The following RBM25 variants were observed in gnomAD, a reference collection of about 807,000 sequenced individuals.
RBM25 encodes RNA-binding protein 25.
Under a neutral mutation model 120.7 loss-of-function variants are expected in RBM25, and 19 were observed. The ratio of observed to expected loss-of-function variants is 0.16; its 90% CI spans 0.11 to 0.23. The LOEUF is 0.23. Among genes scored for constraint, RBM25 ranks in the 10% least tolerant of loss-of-function variants. The pLI, the probability that RBM25 is intolerant of heterozygous loss-of-function variation, is 1.00. For synonymous variants in RBM25, 390 were observed against 326.7 expected, an observed-to-expected ratio of 1.19 and a Z score of -2.09; for missense variants, 605 against 1,041.5, an observed-to-expected ratio of 0.58 and a Z score of 5.77.
chr14:73,066,336 A>G (rs1357824386), intron 1 of RBM25, among the ~76,000 whole-genome samples: 1 of 152,132 alleles, frequency 6.6e-6, no homozygotes, highest in Admixed American at 6.6e-5. Context: ...TTTGCCAAGT[A>G]TATTAAATCC....
At chr14:73,062,696 T>C (rs1245122141) in intron 1 of RBM25, among the ~76,000 whole-genome samples, 2 of 151,486 alleles carry the variant, frequency 1.3e-5, no homozygotes, top group Non-Finnish European at 3.0e-5. Flanking sequence ...TTGGACCAGA[T>C]TTCTTGAGAT....
intron 4 of RBM25, 60 bp downstream of exon 4, chr14:73,077,596 A>C: frequency 7.1e-7 from 1 of 1,405,176 alleles, no homozygotes; most frequent in Non-Finnish European, 9.5e-7. Flanking sequence ...TTTCAAACTT[A>C]AGCAGAAAGA....
intron 18 of RBM25, 74 bp from the exon 19 acceptor site, chr14:73,119,639 A>G (rs1896505710): frequency 6.3e-6 from 10 of 1,587,480 alleles, no homozygotes; most frequent in Non-Finnish European, 8.5e-6. Flanking sequence ...AAACTTTTTT[A>G]TACTGGCCAC....
chr14:73,117,041 G>A lies in RBM25; in HGVS notation c.2440-2672G>A, dbSNP rs74062643. 8.0e-3 allele frequency among the ~76,000 whole-genome samples: 1,219 copies of A among 151,956 alleles called. 20 individuals carry two copies. Among genetic ancestry groups the A allele is most frequent in the African/African-American group, 0.028 (1,166 of 41,462 alleles). ...TAAATGAAGTTTGGTTGCATTTTGT[G>A]CCTACATCTCTCTGAAGTGTGACTC... On this transcript the variant is annotated intron_variant, in intron 18 of 18. Transcript: ENST00000261973.
At chr14:73,109,670 G>A (rs933944024) in intron 14 of RBM25, among the ~76,000 whole-genome samples, 178 bp downstream of exon 14, 28 of 152,168 alleles carry the variant, frequency 1.8e-4, no homozygotes, top group Non-Finnish European at 4.0e-4. Context: ...GTGGGCGCCT[G>A]TAGTCCCAGC....
chr14:73,077,269 G>C, intron 3 of RBM25, 100 bp from the exon 4 acceptor site: 2 of 1,028,910 alleles, frequency 1.9e-6, no homozygotes, highest in Non-Finnish European at 2.8e-6. Flanking sequence ...TAAATAATGT[G>C]CTATATATAT....
intron 6 of RBM25, among the ~76,000 whole-genome samples, chr14:73,088,939 G>A (rs751624858): frequency 6.6e-6 from 1 of 152,110 alleles, no homozygotes; most frequent in Admixed American, 6.6e-5. Context: ...TCAGGAGTTC[G>A]AGACCAGCCT....
intron 15 of RBM25, 123 bp from the exon 16 acceptor site, chr14:73,111,405 C>A: frequency 8.7e-7 from 1 of 1,150,542 alleles, no homozygotes; most frequent in Non-Finnish European, 1.2e-6. Flanking sequence ...TTATTTTTTA[C>A]AGTTGGGATC....
At chr14:73,093,612 T>G (rs952026489) in intron 6 of RBM25, among the ~76,000 whole-genome samples, 5 of 152,072 alleles carry the variant, frequency 3.3e-5, no homozygotes, top group Non-Finnish European at 7.4e-5. Flanking sequence ...GTTCAAGCGA[T>G]TCTCCTGCCT....
intron 10 of RBM25, among the ~76,000 whole-genome samples, chr14:73,103,905 G>GTCTCTCTCTC (rs72346306): frequency 7.0e-4 from 64 of 91,724 alleles, no homozygotes; most frequent in Non-Finnish European, 1.2e-3. Flanking sequence ...CTGTCTGTCT[G>GTCTCTCTCTC]TCTCTCTCTC....
At chr14:73,086,127 G>A (rs535816014) in intron 5 of RBM25, among the ~76,000 whole-genome samples, 6 of 151,952 alleles carry the variant, frequency 3.9e-5, no homozygotes, top group East Asian at 1.9e-4. Context: ...TGAAGATCAC[G>A]ATCTGGACAC....
Position 73,107,864 on chromosome 14 carries a change from C to T in RBM25, c.1506C>T (p.Asp502=). ...EAKRLKEFLE[D]YDDDRDDPKY... is the part of the protein sequence containing the mutation. ...AACGACTAAAAGAATTCTTAGAAGA[C>T]TATGATGATGATAGAGATGACCCCA... The change falls in exon 13 of 19, where the codon GAC becomes GAT. Residue 502 remains aspartate (D), a synonymous_variant. Transcript: ENST00000261973. 6.2e-7 allele frequency: 1 copy of T among 1,603,032 alleles called. No individual in the cohort carries two copies. The highest frequency in any genetic ancestry group is 2.2e-5 in the East Asian group (1 of 44,510).
intron 9 of RBM25, chr14:73,100,052 CA>C (rs1438668521): frequency 1.7e-5 from 8 of 462,918 alleles, no homozygotes; most frequent in Non-Finnish European, 2.3e-5. Context: ...AAATTAGATT[CA>C]GGGGGCAGCA....
intron 5 of RBM25, among the ~76,000 whole-genome samples, chr14:73,087,529 G>A (rs934395689): frequency 1.4e-4 from 22 of 152,016 alleles, no homozygotes; most frequent in Non-Finnish European, 2.9e-4. Context: ...CCAAGTAGCT[G>A]GGACTACAGG....
intron 10 of RBM25, 122 bp from the exon 11 acceptor site, chr14:73,105,737 A>G: frequency 7.0e-7 from 1 of 1,429,518 alleles, no homozygotes; most frequent in Non-Finnish European, 9.4e-7. Flanking sequence ...TATGGAAATC[A>G]AGTGCTAGAT....
chr14:73,119,891 T>C lies in RBM25; in HGVS notation c.*86T>C. The C allele has an allele frequency of 4.0e-6, 6 of 1,508,184 alleles. No homozygotes were observed. The highest frequency in any genetic ancestry group is 5.3e-6 in the Non-Finnish European group (6 of 1,139,330). The allele number at this position is 1,508,184 out of a possible 1,614,324, so 93.4% of individuals were successfully genotyped here. A position where few individuals can be genotyped will look rare whatever the true frequency, so the allele number is the denominator to read the frequency against. On this transcript the variant is annotated 3_prime_UTR_variant, in exon 19 of 19. Coordinates refer to ENST00000261973, the MANE Select transcript of RBM25 (RefSeq NM_021239.3). ...GAATTTTTCTTTGTCTTTGAAGACA[T>C]TGTGAGATCTGTAATTTTTTTTTTT...
chr14:73,079,494 C>T lies in RBM25; in HGVS notation c.324+1958C>T, dbSNP rs555641145. Among the ~76,000 whole-genome samples, 281 of 150,594 alleles carry T rather than the reference C, an allele frequency of 1.9e-3. 20 individuals are homozygous for T. The highest frequency in any genetic ancestry group is 2.9e-3 in the Non-Finnish European group (192 of 67,084). The stretch of plus-strand genomic sequence containing the variant: ...GAGGATCTGCAAAGATGTCATTCTT[C>T]GTCTGTATCCCAGAATCTTGTGTAG... On this transcript the variant is annotated intron_variant, in intron 4 of 18. Coordinates refer to ENST00000261973, the MANE Select transcript of RBM25 (RefSeq NM_021239.3).
chr14:73,086,989 G>A (rs1287902247), intron 5 of RBM25, among the ~76,000 whole-genome samples: 2 of 152,348 alleles, frequency 1.3e-5, no homozygotes, highest in South Asian at 2.1e-4. Flanking sequence ...ACAGGCATGA[G>A]CCACTGCGCC....
At chr14:73,091,091 G>A (rs1895803876) in intron 6 of RBM25, among the ~76,000 whole-genome samples, 1 of 152,172 alleles carries the variant, frequency 6.6e-6, no homozygotes, top group Non-Finnish European at 1.5e-5. Flanking sequence ...TTAATCTTCA[G>A]TTTGTGAGGT....
Sources: gnomAD v4.1 joint callset for allele counts (sites outside exome capture counted in the v4.1 genomes callset) on GRCh38, gnomAD v4.1.1 for gene constraint, MANE v1.5 for transcripts, NCBI Gene and HGNC (gene_info 2026-07-23, HGNC 2026-07-21) for gene names.